ZNF385D: variants seen among roughly 807,000 people sequenced by gnomAD.
ZNF385D encodes the protein zinc finger protein 659.
In ZNF385D, 15 loss-of-function variants were observed where a neutral mutation model predicts 35.8. That is an observed-to-expected ratio of 0.42 (90% CI 0.28 to 0.64). The LOEUF is 0.64. Among genes scored for constraint, ZNF385D ranks in the 30% least tolerant of loss-of-function variants. ZNF385D has a pLI of 0.23. For synonymous variants in ZNF385D, 212 were observed against 186.8 expected (o/e 1.13, Z -1.10); for missense variants, 474 against 494.6 (o/e 0.96, Z 0.39).
intron 2 of ZNF385D, among the ~76,000 whole-genome samples, chr3:22,340,055 T>C (rs1474948744): frequency 6.6e-6 from 1 of 152,170 alleles, no homozygotes; most frequent in Non-Finnish European, 1.5e-5. Context: ...TTTTCATAGA[T>C]TCAATTAAAA....
intron 3 of ZNF385D, among the ~76,000 whole-genome samples, chr3:21,855,631 A>G (rs930833843): frequency 1.3e-5 from 2 of 152,068 alleles, no homozygotes; most frequent in African/African-American, 4.8e-5. Context: ...ATACCAATAT[A>G]GACCTGGAGC....
intron 1 of ZNF385D, among the ~76,000 whole-genome samples, chr3:21,714,097 C>A (rs575405345): frequency 3.3e-5 from 5 of 152,318 alleles, no homozygotes; most frequent in African/African-American, 1.2e-4. Context: ...AAATTTAAAT[C>A]TGTGCCTACT....
intron 3 of ZNF385D, among the ~76,000 whole-genome samples, chr3:21,519,785 A>G (rs1387765756): frequency 6.6e-6 from 1 of 152,202 alleles, no homozygotes; most frequent in Non-Finnish European, 1.5e-5. Context: ...CTAGCTGCTC[A>G]GCCAGTGTAC....
At chr3:21,665,563 A>G (rs1472987242) in intron 1 of ZNF385D, among the ~76,000 whole-genome samples, 1 of 152,204 alleles carries the variant, frequency 6.6e-6, no homozygotes, top group African/African-American at 2.4e-5. Flanking sequence ...CAACTGGAGG[A>G]TTAAAAACCA....
chr3:21,726,516 C>G lies in ZNF385D; in HGVS notation c.22+24379G>C, dbSNP rs189506348. Among the ~76,000 whole-genome samples the G allele has an allele frequency of 6.6e-5, 10 of 152,242 alleles. No individual in the cohort carries two copies. The East Asian group carries it at 9.7e-4, about 15-fold the overall frequency. On this transcript the variant is annotated intron_variant, in intron 1 of 7. Transcript: ENST00000281523. ...AAAATCAATGTGCAAAAATCACAAG[C>G]GTTCCTGTACACCAATAACAAACAG...
At chr3:22,042,554 C>A (rs764288498) in intron 3 of ZNF385D, among the ~76,000 whole-genome samples, 36 of 152,092 alleles carry the variant, frequency 2.4e-4, no homozygotes, top group South Asian at 4.1e-4. Flanking sequence ...AAGCTATTTC[C>A]AAGAGCTCAA....
chr3:21,955,999 A>C (rs998618843), intron 3 of ZNF385D, among the ~76,000 whole-genome samples: 4 of 152,050 alleles, frequency 2.6e-5, no homozygotes, highest in African/African-American at 9.7e-5. Flanking sequence ...GAGCTTGGAA[A>C]ACATGGCGAG....
intron 2 of ZNF385D, among the ~76,000 whole-genome samples, chr3:21,664,346 T>C (rs1025021140): frequency 1.3e-5 from 2 of 152,078 alleles, no homozygotes; most frequent in Non-Finnish European, 2.9e-5. Context: ...GAGAGTTAAC[T>C]TGGGCAACAA....
At position 22,100,753 on chromosome 3, in the gene ZNF385D, T is replaced by C. The variant is rs569270474; in HGVS notation, c.325+68064A>G. On this transcript the variant is annotated intron_variant, in intron 3 of 5. Coordinates refer to the ZNF385D transcript ENST00000494108. ...ATGCTAGATGACGAGTTAGTGGGTG[T>C]AGCGCACCAGCATGGCACATGTATA... 5.3e-5 allele frequency among the ~76,000 whole-genome samples: 8 copies of C among 151,570 alleles called. No homozygotes were observed. In the South Asian group the frequency reaches 1.5e-3, roughly 28 times the overall value.
At chr3:21,821,723 G>C (rs1024786639) in intron 3 of ZNF385D, among the ~76,000 whole-genome samples, 7 of 152,142 alleles carry the variant, frequency 4.6e-5, no homozygotes, top group African/African-American at 1.7e-4. Context: ...CACTTTGGAA[G>C]TTCAAGGCAG....
At chr3:21,926,581 G>T (rs1297111600) in intron 3 of ZNF385D, among the ~76,000 whole-genome samples, 1 of 152,074 alleles carries the variant, frequency 6.6e-6, no homozygotes, top group Non-Finnish European at 1.5e-5. Flanking sequence ...TGTGAACAGT[G>T]CTGCAATAAA....
At chr3:21,675,369 T>C (rs530286786) in intron 1 of ZNF385D, among the ~76,000 whole-genome samples, 90 of 152,156 alleles carry the variant, frequency 5.9e-4, no homozygotes, top group Admixed American at 1.2e-3. Context: ...TCTGCTTCCA[T>C]ACACTGGGTA....
intron 2 of ZNF385D, among the ~76,000 whole-genome samples, chr3:22,321,453 C>T (rs762244115): frequency 3.3e-5 from 5 of 152,024 alleles, no homozygotes; most frequent in Non-Finnish European, 5.9e-5. Context: ...GCAACCTCTG[C>T]ATCCTGGGTT....
chr3:22,215,291 C>G (rs1057435312), intron 2 of ZNF385D, among the ~76,000 whole-genome samples: 2 of 152,018 alleles, frequency 1.3e-5, no homozygotes, highest in African/African-American at 4.8e-5. Flanking sequence ...GAGAGATAAC[C>G]TTAAACTCTG....
At chr3:21,455,748 T>A (rs1270527502) in intron 4 of ZNF385D, among the ~76,000 whole-genome samples, 1 of 152,098 alleles carries the variant, frequency 6.6e-6, no homozygotes, top group African/African-American at 2.4e-5. Flanking sequence ...TGGGACCTAA[T>A]TAAACTAAAG....
At chr3:22,016,126 A>G (rs1317469295) in intron 3 of ZNF385D, among the ~76,000 whole-genome samples, 3 of 152,072 alleles carry the variant, frequency 2.0e-5, no homozygotes, top group Non-Finnish European at 4.4e-5. Context: ...TTAGTCTATA[A>G]AACAGTTCTT....
At chr3:21,894,832 C>T (rs762277217) in intron 3 of ZNF385D, among the ~76,000 whole-genome samples, 9 of 152,050 alleles carry the variant, frequency 5.9e-5, no homozygotes, top group Non-Finnish European at 1.0e-4. Flanking sequence ...TCAGAAGAAA[C>T]GTAGAGCTTG....
At chr3:22,021,865 A>G (rs1697242274) in intron 3 of ZNF385D, among the ~76,000 whole-genome samples, 1 of 152,062 alleles carries the variant, frequency 6.6e-6, no homozygotes, top group Non-Finnish European at 1.5e-5. Context: ...TTAGTCTAGG[A>G]TGCGGCCTGC....
chr3:22,091,359 T>C (rs1036457207), intron 3 of ZNF385D, among the ~76,000 whole-genome samples: 2 of 152,142 alleles, frequency 1.3e-5, no homozygotes, highest in Admixed American at 6.6e-5. Flanking sequence ...GATTCTGCCA[T>C]TGGGATGGAT....
Sources: allele counts gnomAD v4.1 joint callset (sites outside exome capture counted in the v4.1 genomes callset), GRCh38; gene constraint gnomAD v4.1.1; transcripts MANE v1.5; gene names NCBI Gene and HGNC (gene_info 2026-07-23, HGNC 2026-07-21).